Variants in DMXL1 observed in about 807,000 individuals in gnomAD.
DMXL1 encodes dmX-like protein 1.
DMXL1 carries 99 observed loss-of-function variants against 319.2 expected under a neutral mutation model. That is an observed-to-expected ratio of 0.31 (90% confidence interval 0.26 to 0.37). The LOEUF (loss-of-function observed/expected upper bound fraction) is 0.37. DMXL1 is among the 10% of genes least tolerant of loss of function. The pLI is 1.00. For missense variants in DMXL1, 3,745 were observed against 3,595.6 expected (o/e 1.04, Z -1.06); for synonymous variants, 1,385 against 1,235.2 (o/e 1.12, Z -2.54).
chr5:119,117,510 G>C (rs997048090), intron 7 of DMXL1, among the ~76,000 whole-genome samples: 7 of 152,072 alleles, frequency 4.6e-5, no homozygotes, highest in African/African-American at 1.7e-4. Context: ...AATGGAGGGA[G>C]ATGGGTGTGA....
chr5:119,131,295 G>C (rs149556989), intron 10 of DMXL1, among the ~76,000 whole-genome samples: 1 of 152,024 alleles, frequency 6.6e-6, no homozygotes, highest in Non-Finnish European at 1.5e-5. Context: ...GAGGGGACTG[G>C]GATTTTTGAA....
chr5:119,071,047 C>T (rs1476785860), upstream of DMXL1, among the ~76,000 whole-genome samples: 1 of 152,168 alleles, frequency 6.6e-6, no homozygotes, highest in Non-Finnish European at 1.5e-5. Context: ...GTAGCAGCTG[C>T]CCCGAGCGAA....
intron 7 of DMXL1, 53 bp from the exon 8 acceptor site, chr5:119,118,762 G>T: frequency 7.3e-7 from 1 of 1,362,662 alleles, no homozygotes; most frequent in East Asian, 2.3e-5. Flanking sequence ...TAGAATTTCT[G>T]TGATACTATG....
At chr5:119,190,282 A>G (rs1290139152) in intron 29 of DMXL1, among the ~76,000 whole-genome samples, 1 of 152,138 alleles carries the variant, frequency 6.6e-6, no homozygotes, top group East Asian at 1.9e-4. Context: ...GAAATCCATA[A>G]ATTTCAATTA....
chr5:119,114,930 A>T (rs1335335027), intron 6 of DMXL1, among the ~76,000 whole-genome samples: 1 of 152,188 alleles, frequency 6.6e-6, no homozygotes, highest in Non-Finnish European at 1.5e-5. Flanking sequence ...GGCCTCCCAA[A>T]GTGCTGAGAT....
Position 119,105,167 on chromosome 5 carries a change from T to G in DMXL1, c.286-13T>G. ...CCAATCATAATGGGCTAAATGACTT[T>G]TCTTAATTTTAGGAATTATATAGTC... On this transcript the variant is annotated splice_polypyrimidine_tract_variant and intron_variant, in intron 3 of 43. Transcript: ENST00000539542. 6.3e-7 allele frequency: 1 copy of G among 1,581,658 alleles called. No homozygotes were observed. Among genetic ancestry groups the G allele is most frequent in the East Asian group, 2.2e-5 (1 of 44,582 alleles).
chr5:119,139,717 C>G (rs145195471), intron 13 of DMXL1, among the ~76,000 whole-genome samples: 1 of 152,084 alleles, frequency 6.6e-6, no homozygotes, highest in Middle Eastern at 3.2e-3. Flanking sequence ...GACAGCTCAT[C>G]GAGGCAGAAG....
rs1769357330 is a variant in DMXL1, at chr5:119,149,740, G to C, written c.3913G>C (p.Asp1305His). 6.2e-7 allele frequency: 1 copy of C among 1,613,960 alleles called. No homozygotes were observed. Among genetic ancestry groups the C allele is most frequent in the South Asian group, 1.1e-5 (1 of 91,078 alleles). Residue 1305 changes from aspartate to histidine, a missense_variant, in exon 18 of 44, where the codon GAT (aspartate) becomes CAT (histidine). Physicochemically the swap from Asp to His is moderately conservative, Grantham distance 81. Coordinates refer to ENST00000539542, the MANE Select transcript of DMXL1 (RefSeq NM_001290321.3). ...GAAAACTGCATTCGATCCTTCAGTG[G>C]ATATGGAAGATTCAGGTCTTTTTGA... is the stretch of plus-strand genomic sequence containing the variant. ...GKKTAFDPSVDMEDSGLFEAA... is the reference protein window; with the variant it reads ...GKKTAFDPSVHMEDSGLFEAA...
chr5:119,241,960 T>C (rs1788907027), intron 42 of DMXL1, among the ~76,000 whole-genome samples: 1 of 152,260 alleles, frequency 6.6e-6, no homozygotes, highest in African/African-American at 2.4e-5. Flanking sequence ...TATGTACTTA[T>C]GATTTCATAC....
chr5:119,214,961 A>G (rs1783422634), intron 34 of DMXL1, among the ~76,000 whole-genome samples: 1 of 152,182 alleles, frequency 6.6e-6, no homozygotes, highest in South Asian at 2.1e-4. Flanking sequence ...AATTTCTTCA[A>G]AACCTAAGAA....
intron 39 of DMXL1, among the ~76,000 whole-genome samples, chr5:119,235,047 G>A (rs532484411): frequency 2.0e-5 from 3 of 152,164 alleles, no homozygotes; most frequent in Admixed American, 6.6e-5. Flanking sequence ...TAGCCTTGAC[G>A]AAGTCTAATA....
intron 13 of DMXL1, among the ~76,000 whole-genome samples, chr5:119,139,598 C>G (rs1029585269): frequency 6.6e-5 from 10 of 152,108 alleles, no homozygotes; most frequent in African/African-American, 2.4e-4. Context: ...TATATGCAAC[C>G]AACACAGGAG....
chr5:119,083,910 A>G (rs1337358170), intron 1 of DMXL1, among the ~76,000 whole-genome samples: 1 of 152,200 alleles, frequency 6.6e-6, no homozygotes, highest in Non-Finnish European at 1.5e-5. Flanking sequence ...CCACCAACAC[A>G]GTACCAGGGT....
At chr5:119,150,586 T>G (rs1028274739) in intron 18 of DMXL1, among the ~76,000 whole-genome samples, 165 bp downstream of exon 18, 1 of 151,886 alleles carries the variant, frequency 6.6e-6, no homozygotes, top group Non-Finnish European at 1.5e-5. Context: ...CCTAGGAGTT[T>G]AAGACCAGTC....
chr5:119,083,651 C>T (rs1316501213), intron 1 of DMXL1, among the ~76,000 whole-genome samples: 2 of 152,064 alleles, frequency 1.3e-5, no homozygotes, highest in Non-Finnish European at 2.9e-5. Flanking sequence ...AAGCGATTCT[C>T]CTGCCTCTGC....
rs1789592977 is a variant in DMXL1 at position 119,245,572 on chromosome 5, A to G, written c.8922+996A>G. ...TTTTTTTTTTTTGAGACGGAGTCTT[A>G]CTCTGTCGCCAGGCTGGAGCACAGT... On this transcript the variant is annotated intron_variant, in intron 43 of 43. Coordinates refer to ENST00000539542, the MANE Select transcript of DMXL1 (RefSeq NM_001290321.3). 6.2e-5 allele frequency among the ~76,000 whole-genome samples: 8 copies of G among 128,860 alleles called. No individual in the cohort carries two copies. The South Asian group carries it at 1.9e-3, about 31-fold the overall frequency. The allele number at this position is 128,860 out of a possible 152,430, so 84.5% of individuals were successfully genotyped here. A position where few individuals can be genotyped will look rare whatever the true frequency, so the allele number is the denominator to read the frequency against.
intron 1 of DMXL1, among the ~76,000 whole-genome samples, chr5:119,074,416 A>G (rs1275479505): frequency 6.6e-6 from 1 of 152,180 alleles, no homozygotes; most frequent in Non-Finnish European, 1.5e-5. Flanking sequence ...TTCTTTTAGG[A>G]CAGTCCTGCT....
At position 119,152,747 on chromosome 5, in the gene DMXL1, C is replaced by T. The variant is rs372940326; in HGVS notation, c.4702+711C>T. Among the ~76,000 whole-genome samples the T allele has an allele frequency of 2.6e-4, 39 of 152,172 alleles. No individual in the cohort carries two copies. The East Asian group carries it at 2.7e-3, about 11-fold the overall frequency. The stretch of plus-strand genomic sequence containing the variant: ...ACAGCATGTTTTTTGGCTCATCTCC[C>T]GGGAAGTTCAAGAAATAGAGCTGAC... On this transcript the variant is annotated intron_variant, in intron 19 of 43. Transcript: ENST00000539542.
chr5:119,165,557 G>A (rs1773245326), intron 21 of DMXL1, among the ~76,000 whole-genome samples: 1 of 152,158 alleles, frequency 6.6e-6, no homozygotes, highest in African/African-American at 2.4e-5. Flanking sequence ...TAAAACAAAG[G>A]TAATGTATTA....
Sources: allele counts gnomAD v4.1 joint callset (sites outside exome capture counted in the v4.1 genomes callset), GRCh38; gene constraint gnomAD v4.1.1; transcripts MANE v1.5; gene names NCBI Gene and HGNC (gene_info 2026-07-23, HGNC 2026-07-21).